NPAS3: variants seen among roughly 807,000 people sequenced by gnomAD.
The protein encoded by NPAS3 is neuronal PAS domain-containing protein 3.
In NPAS3, 14 loss-of-function variants were observed where a neutral mutation model predicts 73.1. That is an observed-to-expected ratio of 0.19 (90% CI 0.13 to 0.30). The LOEUF (loss-of-function observed/expected upper bound fraction) is 0.30. Among genes scored for constraint, NPAS3 ranks in the 10% least tolerant of loss-of-function variants. The pLI is 1.00. For synonymous variants in NPAS3, 620 were observed against 541.5 expected, an observed-to-expected ratio of 1.14 and a Z score of -2.01; for missense variants, 1,096 against 1,250.0, an observed-to-expected ratio of 0.88 and a Z score of 1.86.
intron 7 of NPAS3, among the ~76,000 whole-genome samples, chr14:33,739,540 T>C (rs1263034032): frequency 1.3e-5 from 2 of 152,222 alleles, no homozygotes; most frequent in Non-Finnish European, 2.9e-5. Context: ...CATAGGTGTC[T>C]CTTAAATTAG....
At chr14:33,239,508 G>C (rs1047881054) in intron 3 of NPAS3, among the ~76,000 whole-genome samples, 28 of 151,630 alleles carry the variant, frequency 1.8e-4, no homozygotes, top group African/African-American at 5.8e-4. Flanking sequence ...TGGCCTGTGG[G>C]GTACTGTTTT....
exon 11 of NPAS3, chr14:33,797,492 C>G (rs749181193): frequency 6.2e-7 from 1 of 1,614,222 alleles, no homozygotes; most frequent in Non-Finnish European, 8.5e-7. Context: ...ATGGACATCG[C>G]ACAGCTCCCC....
At chr14:33,737,731 A>G (rs1009858211) in intron 7 of NPAS3, among the ~76,000 whole-genome samples, 1 of 152,176 alleles carries the variant, frequency 6.6e-6, no homozygotes, top group Non-Finnish European at 1.5e-5. Context: ...CAGCTGAATA[A>G]CATCCCTATT....
chr14:33,077,774 G>GATTTTTTTTTTTTTTT (rs1555333248), intron 2 of NPAS3, among the ~76,000 whole-genome samples: 1 of 87,470 alleles, frequency 1.1e-5, no homozygotes, highest in African/African-American at 3.9e-5. Context: ...TGCAGTAAGG[G>GATTTTTTTTTTTTTTT]TTTTTTTTTT....
intron 5 of NPAS3, among the ~76,000 whole-genome samples, chr14:33,567,232 T>G (rs2055688997): frequency 6.6e-6 from 1 of 152,182 alleles, no homozygotes; most frequent in Non-Finnish European, 1.5e-5. Context: ...TTCACCATAT[T>G]CAACCCCTTT....
chr14:33,398,581 A>G (rs1485647018), intron 4 of NPAS3, among the ~76,000 whole-genome samples: 1 of 152,058 alleles, frequency 6.6e-6, no homozygotes, highest in Admixed American at 6.6e-5. Flanking sequence ...TATTTTGCCA[A>G]TCTACTTCTT....
At chr14:33,750,643 C>G (rs777852996) in intron 7 of NPAS3, among the ~76,000 whole-genome samples, 4 of 152,116 alleles carry the variant, frequency 2.6e-5, no homozygotes, top group Non-Finnish European at 5.9e-5. Context: ...TTCTTCAACA[C>G]CACCCTTTGT....
chr14:33,778,805 T>A (rs1201594161), intron 9 of NPAS3, among the ~76,000 whole-genome samples: 1 of 152,230 alleles, frequency 6.6e-6, no homozygotes, highest in Non-Finnish European at 1.5e-5. Flanking sequence ...TCACCCAGAA[T>A]TCTGTGGTGT....
intron 3 of NPAS3, among the ~76,000 whole-genome samples, chr14:33,226,670 G>T (rs1274683584): frequency 6.6e-6 from 1 of 152,202 alleles, no homozygotes; most frequent in Non-Finnish European, 1.5e-5. Flanking sequence ...ATTGGGAGCA[G>T]TCAGTCACCA....
chr14:33,403,389 T>C (rs1426947933), intron 4 of NPAS3, among the ~76,000 whole-genome samples: 1 of 152,060 alleles, frequency 6.6e-6, no homozygotes, highest in Non-Finnish European at 1.5e-5. Context: ...AAAAATGCAA[T>C]AGTACAATAC....
intron 7 of NPAS3, among the ~76,000 whole-genome samples, chr14:33,740,247 G>C (rs563252680): frequency 1.3e-5 from 2 of 152,096 alleles, no homozygotes; most frequent in Non-Finnish European, 2.9e-5. Context: ...TTGAAGATAA[G>C]TAAAATGGAG....
rs535213737 is a variant in NPAS3 at position 33,375,249 on chromosome 14, A to T, written c.468+7981A>T. Among the ~76,000 whole-genome samples the T allele has an allele frequency of 2.0e-5, 3 of 152,328 alleles. No individual in the cohort carries two copies. The South Asian group carries it at 6.2e-4, about 32-fold the overall frequency. ...ATGGTAAGAAAATGTAAAACTAAAT[A>T]TAGAAAGAGAGAAAGTTAGTGAATA... is the stretch of plus-strand genomic sequence containing the variant. On this transcript the variant is annotated intron_variant, in intron 4 of 11. Transcript: ENST00000356141.
intron 4 of NPAS3, among the ~76,000 whole-genome samples, chr14:33,441,903 TC>T (rs2049266571): frequency 6.6e-6 from 1 of 151,908 alleles, no homozygotes; most frequent in Non-Finnish European, 1.5e-5. Context: ...GGAAAGACCC[TC>T]CCCCATGATT....
At chr14:33,666,248 C>T (rs953628687) in intron 5 of NPAS3, among the ~76,000 whole-genome samples, 2 of 152,104 alleles carry the variant, frequency 1.3e-5, no homozygotes, top group African/African-American at 2.4e-5. Context: ...TGTAATACAC[C>T]ACCCCTGCTC....
rs375189267 is a variant in NPAS3, at chr14:33,260,058, T to A, written c.385+44632T>A. 1.2e-4 allele frequency among the ~76,000 whole-genome samples: 18 copies of A among 152,296 alleles called. No homozygotes were observed. The South Asian group carries it at 1.2e-3, about 11-fold the overall frequency. ...CTATTGCATGCAGCCGGCATTTTGT[T>A]GGCCCTGGCAACTTCATAGCGTGAC... On this transcript the variant is annotated intron_variant, in intron 3 of 11. Coordinates refer to ENST00000356141, the Ensembl canonical transcript of NPAS3.
At chr14:32,951,441 A>C (rs2036481218) in intron 1 of NPAS3, among the ~76,000 whole-genome samples, 1 of 152,136 alleles carries the variant, frequency 6.6e-6, no homozygotes, top group Non-Finnish European at 1.5e-5. Context: ...TTTCTTCATG[A>C]AAACATCTTT....
At chr14:33,622,492 C>T (rs2058103756) in intron 5 of NPAS3, among the ~76,000 whole-genome samples, 1 of 151,970 alleles carries the variant, frequency 6.6e-6, no homozygotes, top group South Asian at 2.1e-4. Flanking sequence ...CTGATGTTTC[C>T]CTCATGAGAA....
At chr14:33,215,807 A>T (rs903523172) in intron 3 of NPAS3, among the ~76,000 whole-genome samples, 2 of 152,176 alleles carry the variant, frequency 1.3e-5, no homozygotes, top group Admixed American at 6.6e-5. Context: ...TGCCTTAAGT[A>T]ACCAAAGAAA....
At chr14:33,436,451 A>G (rs924505693) in intron 4 of NPAS3, among the ~76,000 whole-genome samples, 2 of 152,246 alleles carry the variant, frequency 1.3e-5, no homozygotes, top group Non-Finnish European at 2.9e-5. Flanking sequence ...TGACTGTGGC[A>G]TGTACACATC....
Sources: allele counts gnomAD v4.1 joint callset (sites outside exome capture counted in the v4.1 genomes callset), GRCh38; gene constraint gnomAD v4.1.1; transcripts MANE v1.5; gene names NCBI Gene and HGNC (gene_info 2026-07-23, HGNC 2026-07-21).